The following KLF12 variants were observed in gnomAD, a reference collection of about 807,000 sequenced individuals.
KLF12 encodes the protein KLF transcription factor 12.
A neutral mutation model predicts 37.8 loss-of-function variants in KLF12; 9 were observed. That is an observed-to-expected ratio of 0.24 (90% confidence interval 0.14 to 0.42). KLF12 has a LOEUF of 0.42. Ranked by LOEUF, KLF12 falls within the 10% of genes least tolerant of loss-of-function variation. KLF12 has a pLI of 1.00. For missense variants in KLF12, 411 were observed against 516.0 expected, an observed-to-expected ratio of 0.80 and a Z score of 1.97; for synonymous variants, 208 against 202.1, an observed-to-expected ratio of 1.03 and a Z score of -0.25.
intron 5 of KLF12, among the ~76,000 whole-genome samples, chr13:73,804,246 T>A (rs766127868): frequency 6.6e-6 from 1 of 152,212 alleles, no homozygotes; most frequent in East Asian, 1.9e-4. Flanking sequence ...TAGACTTTAG[T>A]TCATCCCATA....
At chr13:74,155,368 TG>T in the KLF12 span, among the ~76,000 whole-genome samples, 8 of 135,226 alleles carry the variant, frequency 5.9e-5, no homozygotes, top group East Asian at 5.9e-4. Context: ...TTTTTGTTTT[TG>T]TTTTTTTTCT....
chr13:73,990,010 C>T (rs904360928), intron 2 of KLF12, among the ~76,000 whole-genome samples: 14 of 151,902 alleles, frequency 9.2e-5, no homozygotes, highest in South Asian at 6.3e-4. Context: ...CTAAAAGAAA[C>T]GAAAATAAGT....
At chr13:73,744,009 C>A (rs1486729550) in intron 6 of KLF12, among the ~76,000 whole-genome samples, 2 of 152,162 alleles carry the variant, frequency 1.3e-5, no homozygotes, top group Non-Finnish European at 2.9e-5. Flanking sequence ...GTGACCTCTC[C>A]TATTTATTTG....
chr13:73,692,751 T>G lies in KLF12; in HGVS notation c.*2739A>C, dbSNP rs529758097. 6.5e-6 allele frequency: 1 copy of G among 152,786 alleles called. No individual in the cohort carries two copies. The highest frequency in any genetic ancestry group is 1.9e-4 in the East Asian group (1 of 5,170). The allele number at this position is 152,786 out of a possible 1,614,324, so 9.5% of individuals were successfully genotyped here. A position where few individuals can be genotyped will look rare whatever the true frequency, so the allele number is the denominator to read the frequency against. On this transcript the variant is annotated 3_prime_UTR_variant, in exon 8 of 8. Transcript: ENST00000377669. Reference sequence around the variant, plus strand: ...CCAAAGAAGTTTCAGTTCCTGAGGCTAGACCAGGGACTCAATTCACTTAAT... The same window carrying G: ...CCAAAGAAGTTTCAGTTCCTGAGGCGAGACCAGGGACTCAATTCACTTAAT...
intron 1 of KLF12, among the ~76,000 whole-genome samples, chr13:74,016,029 TA>T: frequency 6.6e-6 from 1 of 152,274 alleles, no homozygotes; most frequent in Middle Eastern, 3.4e-3. Flanking sequence ...TAAGTATGTC[TA>T]TTGGAATAAC....
chr13:74,112,358 T>C (rs7337493), intron 1 of KLF12, among the ~76,000 whole-genome samples: 146,781 of 151,166 alleles, frequency 0.97, 71,418 homozygotes, highest in Middle Eastern at 1. Flanking sequence ...TTTTGTTACA[T>C]TCCATTTTAC....
At chr13:73,810,566 C>T (rs1212967977) in intron 5 of KLF12, among the ~76,000 whole-genome samples, 1 of 151,900 alleles carries the variant, frequency 6.6e-6, no homozygotes, top group Non-Finnish European at 1.5e-5. Flanking sequence ...CCACGCCCGG[C>T]TGTAAGCATA....
At chr13:73,859,981 G>T (rs915280927) in intron 3 of KLF12, among the ~76,000 whole-genome samples, 1 of 152,070 alleles carries the variant, frequency 6.6e-6, no homozygotes, top group Non-Finnish European at 1.5e-5. Flanking sequence ...GACCAATGAT[G>T]AGTGCTCTTT....
chr13:73,713,109 G>A (rs766118182), intron 7 of KLF12, among the ~76,000 whole-genome samples: 1 of 152,156 alleles, frequency 6.6e-6, no homozygotes, highest in Non-Finnish European at 1.5e-5. Context: ...ACAAAGACAC[G>A]GCTGAGAAAA....
chr13:74,120,563 T>G (rs1160781353), intron 1 of KLF12, among the ~76,000 whole-genome samples: 1 of 151,666 alleles, frequency 6.6e-6, no homozygotes, highest in Non-Finnish European at 1.5e-5. Context: ...TAAAAACATA[T>G]CTACATAAAG....
chr13:73,748,686 T>A (rs142356963), intron 6 of KLF12, among the ~76,000 whole-genome samples: 55 of 152,348 alleles, frequency 3.6e-4, no homozygotes, highest in African/African-American at 1.3e-3. Context: ...ATTTTTTTAA[T>A]GGCAGGCCAA....
chr13:73,983,954 T>G (rs1308407677), intron 2 of KLF12, among the ~76,000 whole-genome samples: 1 of 152,206 alleles, frequency 6.6e-6, no homozygotes, highest in African/African-American at 2.4e-5. Context: ...GCCTTCCTCA[T>G]GTGGAGACGT....
chr13:73,712,338 C>CAAAAAAAAAAAAAA (rs752694466), intron 7 of KLF12, among the ~76,000 whole-genome samples: 1 of 42,052 alleles, frequency 2.4e-5, no homozygotes, highest in Non-Finnish European at 5.2e-5. Flanking sequence ...AACTCCATGT[C>CAAAAAAAAAAAAAA]AAAAAAAAAA....
the KLF12 span, among the ~76,000 whole-genome samples, chr13:74,296,053 G>A: frequency 1.3e-5 from 2 of 151,472 alleles, no homozygotes; most frequent in Non-Finnish European, 2.9e-5. Context: ...TCCTGAGCTC[G>A]GGTGATCCAC....
the KLF12 span, among the ~76,000 whole-genome samples, chr13:74,246,318 T>C: frequency 1.3e-5 from 2 of 152,164 alleles, no homozygotes; most frequent in African/African-American, 4.8e-5. Flanking sequence ...TGTCAGAAGG[T>C]GGGTGGCTCC....
chr13:73,747,429 C>T (rs1202102979), intron 6 of KLF12, among the ~76,000 whole-genome samples: 3 of 152,160 alleles, frequency 2.0e-5, no homozygotes, highest in Non-Finnish European at 2.9e-5. Context: ...ATGAGAAGGA[C>T]GCAGTAGATA....
chr13:74,155,418 A>G, the KLF12 span, among the ~76,000 whole-genome samples: 2 of 151,442 alleles, frequency 1.3e-5, no homozygotes, highest in African/African-American at 4.9e-5. Flanking sequence ...CCACTGTGCA[A>G]TTGCATGTCC....
intron 2 of KLF12, among the ~76,000 whole-genome samples, chr13:73,975,123 T>C (rs565176218): frequency 2.0e-5 from 3 of 152,334 alleles, no homozygotes; most frequent in South Asian, 4.1e-4. Context: ...TAACTAAATA[T>C]TGAGTATGTA....
chr13:73,753,926 C>G (rs1197841411), intron 6 of KLF12, among the ~76,000 whole-genome samples: 2 of 152,098 alleles, frequency 1.3e-5, no homozygotes, highest in Non-Finnish European at 2.9e-5. Flanking sequence ...TTGCTTGGAT[C>G]TTCTTGTATT....
Sources: allele counts gnomAD v4.1 joint callset (sites outside exome capture counted in the v4.1 genomes callset), GRCh38; gene constraint gnomAD v4.1.1; transcripts MANE v1.5; gene names NCBI Gene and HGNC (gene_info 2026-07-23, HGNC 2026-07-21).